The following NKAIN3 variants were observed in gnomAD, a reference collection of about 807,000 sequenced individuals.
NKAIN3 encodes the protein sodium/potassium-transporting ATPase subunit beta-1-interacting protein 3.
NKAIN3 carries 25 observed loss-of-function variants against 30.2 expected under a neutral mutation model. The observed-to-expected ratio is 0.83, with a 90% CI of 0.60 to 1.16. The LOEUF (loss-of-function observed/expected upper bound fraction) is 1.16, where lower values mean the gene tolerates loss of function less well. Among genes scored for constraint, NKAIN3 ranks in the 50% most tolerant of loss-of-function variants. The pLI, the probability that NKAIN3 is intolerant of heterozygous loss-of-function variation, is 0.00. For missense variants in NKAIN3, 225 were observed against 254.1 expected (o/e 0.89, Z 0.78); for synonymous variants, 91 against 89.6 (o/e 1.02, Z -0.09).
chr8:62,488,711 C>T (rs1187773542), intron 1 of NKAIN3, among the ~76,000 whole-genome samples: 1 of 152,158 alleles, frequency 6.6e-6, no homozygotes, highest in Non-Finnish European at 1.5e-5. Flanking sequence ...GAGATAACGA[C>T]ATCTGAATAG....
At chr8:62,447,944 T>A (rs926387046) in intron 1 of NKAIN3, among the ~76,000 whole-genome samples, 1 of 152,018 alleles carries the variant, frequency 6.6e-6, no homozygotes, top group African/African-American at 2.4e-5. Context: ...ATCTGAGTAC[T>A]TGATTAACAC....
chr8:62,328,076 T>C (rs1395797580), intron 1 of NKAIN3, among the ~76,000 whole-genome samples: 1 of 152,122 alleles, frequency 6.6e-6, no homozygotes, highest in East Asian at 1.9e-4. Flanking sequence ...GATCCATATA[T>C]TATGCCAACT....
At chr8:62,528,326 T>TATA (rs1415330253) in intron 1 of NKAIN3, among the ~76,000 whole-genome samples, 3 of 35,008 alleles carry the variant, frequency 8.6e-5, no homozygotes, top group African/African-American at 3.9e-4. Context: ...TATTATATAA[T>TATA]ATATATATTA....
At chr8:62,787,623 C>T (rs1817564810) in intron 4 of NKAIN3, among the ~76,000 whole-genome samples, 1 of 152,164 alleles carries the variant, frequency 6.6e-6, no homozygotes, top group African/African-American at 2.4e-5. Flanking sequence ...TGGTGTGCTG[C>T]ACCCATTAAC....
At chr8:62,667,643 G>A (rs913336508) in intron 3 of NKAIN3, among the ~76,000 whole-genome samples, 3 of 151,888 alleles carry the variant, frequency 2.0e-5, no homozygotes, top group African/African-American at 7.3e-5. Flanking sequence ...TTAGCCTCCA[G>A]CTTCCATGCT....
chr8:62,834,211 C>T (rs1819286648), intron 4 of NKAIN3, among the ~76,000 whole-genome samples: 1 of 151,998 alleles, frequency 6.6e-6, no homozygotes, highest in South Asian at 2.1e-4. Flanking sequence ...AAACCCACAG[C>T]CAACATCATA....
At chr8:62,993,139 G>C (rs763571446) in intron 5 of NKAIN3, among the ~76,000 whole-genome samples, 1 of 152,000 alleles carries the variant, frequency 6.6e-6, no homozygotes, top group South Asian at 2.1e-4. Context: ...CCTGGAAGTC[G>C]TCCACATTAC....
chr8:62,853,535 G>GT (rs1468891695), intron 4 of NKAIN3, among the ~76,000 whole-genome samples: 3 of 152,188 alleles, frequency 2.0e-5, no homozygotes, highest in African/African-American at 7.2e-5. Context: ...TTGTATGTCT[G>GT]TGGGGTCAGT....
At chr8:62,810,367 T>TA (rs1237978397) in intron 4 of NKAIN3, among the ~76,000 whole-genome samples, 2 of 151,698 alleles carry the variant, frequency 1.3e-5, no homozygotes, top group Non-Finnish European at 2.9e-5. Flanking sequence ...ATTTCTCAGG[T>TA]AAAAAAGTGT....
intron 1 of NKAIN3, among the ~76,000 whole-genome samples, chr8:62,280,921 A>G (rs2665455): frequency 1.3e-5 from 2 of 152,084 alleles, no homozygotes; most frequent in Admixed American, 6.5e-5. Flanking sequence ...CTCTTTTTCT[A>G]TTGATTGGAA....
In NKAIN3 at chr8:62,910,746, G is replaced by A. The variant is rs527353762; in HGVS notation, c.472-7707G>A. Among the ~76,000 whole-genome samples, 20 of 106,338 alleles carry A rather than the reference G, an allele frequency of 1.9e-4. No homozygotes were observed. In the East Asian group the frequency reaches 4.1e-3, roughly 22 times the overall value. The allele number at this position is 106,338 out of a possible 152,430, so 69.8% of individuals were successfully genotyped here. A position where few individuals can be genotyped will look rare whatever the true frequency, so the allele number is the denominator to read the frequency against. ...AGTTTCAGGTCAAGATTCTTCCATC[G>A]GGACAGGATTTTTTTTTTTTTCAAG... is the stretch of plus-strand genomic sequence containing the variant. On this transcript the variant is annotated intron_variant, in intron 4 of 6. Transcript: ENST00000623646.
chr8:62,634,424 A>C (rs1318446553), intron 3 of NKAIN3, among the ~76,000 whole-genome samples: 2 of 152,278 alleles, frequency 1.3e-5, no homozygotes, highest in Admixed American at 1.3e-4. Flanking sequence ...GATGGATTTG[A>C]GACTGACCTC....
chr8:62,739,266 C>A (rs1904572), intron 3 of NKAIN3, among the ~76,000 whole-genome samples: 2 of 151,284 alleles, frequency 1.3e-5, no homozygotes, highest in Admixed American at 6.6e-5. Flanking sequence ...GTATAATTTA[C>A]GAAAAAAAAA....
chr8:62,747,593 G>T lies in NKAIN3; in HGVS notation c.471+464G>T, dbSNP rs147202900. ...CACTGGAGACTCTTCGCATTTTAGT[G>T]CCTAAAATCTGGCATCAGAATACAA... On this transcript the variant is annotated intron_variant, in intron 4 of 6. Coordinates refer to ENST00000623646, the MANE Select transcript of NKAIN3 (RefSeq NM_001304533.3). 5.0e-3 allele frequency among the ~76,000 whole-genome samples: 768 copies of T among 152,276 alleles called. 6 individuals are homozygous for T. Among genetic ancestry groups the T allele is most frequent in the African/African-American group, 0.017 (714 of 41,552 alleles).
intron 6 of NKAIN3, among the ~76,000 whole-genome samples, chr8:62,960,067 T>A (rs1298770682): frequency 6.6e-6 from 1 of 152,240 alleles, no homozygotes; most frequent in African/African-American, 2.4e-5. Flanking sequence ...TAAGAACACA[T>A]CCTGATATAT....
intron 4 of NKAIN3, among the ~76,000 whole-genome samples, chr8:62,822,377 A>G (rs1193691193): frequency 1.3e-5 from 2 of 152,142 alleles, no homozygotes; most frequent in Non-Finnish European, 2.9e-5. Context: ...TATGAGGTAA[A>G]TTATGTACTA....
chr8:62,868,723 A>C (rs953546070), intron 4 of NKAIN3, among the ~76,000 whole-genome samples: 1 of 152,230 alleles, frequency 6.6e-6, no homozygotes, highest in Non-Finnish European at 1.5e-5. Context: ...CATGCATTCA[A>C]CGTTTATAAA....
chr8:62,444,286 A>C (rs557091164), intron 1 of NKAIN3, among the ~76,000 whole-genome samples: 1 of 152,288 alleles, frequency 6.6e-6, no homozygotes, highest in Admixed American at 6.5e-5. Context: ...TGAAATGTAC[A>C]ATTGATTAAT....
intron 5 of NKAIN3, chr8:62,990,515 T>C (rs1373832514): frequency 2.7e-6 from 1 of 369,400 alleles, no homozygotes. Flanking sequence ...TTCCACTAAA[T>C]TCACCAATTT....
Sources: allele counts gnomAD v4.1 joint callset (sites outside exome capture counted in the v4.1 genomes callset), GRCh38; gene constraint gnomAD v4.1.1; transcripts MANE v1.5; gene names NCBI Gene and HGNC (gene_info 2026-07-23, HGNC 2026-07-21).